Variants in VAV1 observed in about 807,000 individuals in gnomAD.
The protein encoded by VAV1 is proto-oncogene vav.
VAV1 carries 33 observed loss-of-function variants against 128.1 expected under a neutral mutation model. That is an observed-to-expected ratio of 0.26 (90% CI 0.20 to 0.34). VAV1 has a LOEUF of 0.34. Among genes scored for constraint, VAV1 ranks in the 10% least tolerant of loss-of-function variants. The pLI, the probability that VAV1 is intolerant of heterozygous loss-of-function variation, is 1.00. For missense variants in VAV1, 715 were observed against 1,093.7 expected, an observed-to-expected ratio of 0.65 and a Z score of 4.88; for synonymous variants, 394 against 409.8, an observed-to-expected ratio of 0.96 and a Z score of 0.47.
intron 25 of VAV1, 51 bp from the exon 26 acceptor site, chr19:6,853,896 G>A (rs376975124): frequency 1.3e-5 from 20 of 1,587,722 alleles, no homozygotes; most frequent in Middle Eastern, 1.7e-4. Context: ...CCCAGAGAGT[G>A]AGTGGGTATC....
At position 6,828,240 on chromosome 19, in the gene VAV1, G is replaced by T. The variant is rs1971965253; in HGVS notation, c.1023+69G>T. ...CCTGTGTCTATAAAAGTGGGGACGG[G>T]GCTGGCTTCTGGGGGTTGGGTCTCT... On this transcript the variant is annotated intron_variant, in intron 10 of 26. Coordinates refer to ENST00000602142, the MANE Select transcript of VAV1 (RefSeq NM_005428.4). This position sits in a 1 kb window ranked among gnomAD's most constrained non-coding sequence, Gnocchi z 4.5. 3 of 1,586,212 alleles carry T rather than the reference G, an allele frequency of 1.9e-6. No individual in the cohort carries two copies. The highest frequency in any genetic ancestry group is 2.6e-6 in the Non-Finnish European group (3 of 1,160,356).
rs1186468078 is a variant in VAV1 at position 6,828,557 on chromosome 19, C to T, written c.1093-65C>T. On this transcript the variant is annotated intron_variant, in intron 11 of 26. Coordinates refer to ENST00000602142, the MANE Select transcript of VAV1 (RefSeq NM_005428.4). The surrounding 1 kb of genome is among the most constrained non-coding windows in gnomAD (Gnocchi z 4.5). ...CTCCTGGTAGGGGCTGATCCTCTAGCCGGGATTAGGTAGGAGCCTGGGTCG... is the reference window on the plus strand; with the variant it reads ...CTCCTGGTAGGGGCTGATCCTCTAGTCGGGATTAGGTAGGAGCCTGGGTCG... 1.8e-5 allele frequency: 29 copies of T among 1,613,596 alleles called. No homozygotes were observed. The Middle Eastern group carries it at 5.0e-4, about 28-fold the overall frequency.
chr19:6,836,183 G>A, intron 19 of VAV1: 1 of 416,486 alleles, frequency 2.4e-6, no homozygotes, highest in Non-Finnish European at 4.3e-6. Flanking sequence ...CAGGACACAT[G>A]TTTTCATTTC....
At chr19:6,807,999 A>AAG (rs1568296088) in intron 1 of VAV1, among the ~76,000 whole-genome samples, 2 of 150,214 alleles carry the variant, frequency 1.3e-5, no homozygotes, top group African/African-American at 4.9e-5. Flanking sequence ...CAAAAAAAAA[A>AAG]AAAAAAAAAG....
In VAV1 at chr19:6,822,340, T is replaced by C. The variant is rs1971813025; in HGVS notation, c.558+11T>C. On this transcript the variant is annotated intron_variant, in intron 5 of 26. Coordinates refer to ENST00000602142, the MANE Select transcript of VAV1 (RefSeq NM_005428.4). This position sits in a 1 kb window ranked among gnomAD's most constrained non-coding sequence, Gnocchi z 5.9. ...CCCGTGTCCATGCCGGTGCGTGACG[T>C]GGAGGGTCGGGCCTGGGGAGGGCGT... 1 of 1,348,054 alleles carries C rather than the reference T, an allele frequency of 7.4e-7. No homozygotes were observed. Among genetic ancestry groups the C allele is most frequent in the Admixed American group, 2.1e-5 (1 of 46,710 alleles). 83.5% of individuals were successfully genotyped at this position (1,348,054 alleles called of 1,614,324 possible).
In VAV1 at chr19:6,833,193, C is replaced by T. The variant is rs1438566105; in HGVS notation, c.1518C>T (p.Ile506=). 34 of 1,604,008 alleles carry T rather than the reference C, an allele frequency of 2.1e-5. No individual in the cohort carries two copies. Among genetic ancestry groups the T allele is most frequent in the Non-Finnish European group, 2.7e-5 (32 of 1,176,220 alleles). The change falls in exon 16 of 27, where the codon ATC becomes ATT. Residue 506 remains isoleucine (I), a synonymous_variant. Coordinates refer to ENST00000602142, the MANE Select transcript of VAV1 (RefSeq NM_005428.4). ...AATTTTCCCCTGCCAGCTCCAACAT[C>T]TATCCGGAGAATGCCACCGCCAACG... ...MEQFEMAISN[I]YPENATANGH...
At chr19:6,815,363 A>G (rs1971623196) in intron 1 of VAV1, among the ~76,000 whole-genome samples, 1 of 152,054 alleles carries the variant, frequency 6.6e-6, no homozygotes, top group Admixed American at 6.6e-5. Flanking sequence ...GCTGGTCCCA[A>G]ACCCCTGACC....
chr19:6,784,242 G>C, intron 1 of VAV1: 1 of 651,684 alleles, frequency 1.5e-6, no homozygotes, highest in Non-Finnish European at 2.8e-6. Flanking sequence ...GGACAAAAGA[G>C]TAAGACCCTG....
At chr19:6,844,824 T>C (rs1274689955) in intron 22 of VAV1, among the ~76,000 whole-genome samples, 1 of 151,572 alleles carries the variant, frequency 6.6e-6, no homozygotes, top group Admixed American at 6.6e-5. Flanking sequence ...TCTCAGTCAT[T>C]AAGGTCCATC....
intron 1 of VAV1, among the ~76,000 whole-genome samples, chr19:6,809,433 C>T (rs959568850): frequency 6.6e-6 from 1 of 152,134 alleles, no homozygotes; most frequent in Non-Finnish European, 1.5e-5. Flanking sequence ...CCACAAAGGG[C>T]ATTCAGGGCA....
At chr19:6,841,091 C>A (rs910747738) in intron 21 of VAV1, among the ~76,000 whole-genome samples, 2 of 151,006 alleles carry the variant, frequency 1.3e-5, no homozygotes, top group Admixed American at 6.6e-5. Context: ...TTTTTGTATT[C>A]TTTTGTAGGG....
At position 6,825,291 on chromosome 19, in the gene VAV1, C is replaced by T. The variant is rs1305086672; in HGVS notation, c.724-12C>T. The T allele has an allele frequency of 6.2e-7, 1 of 1,608,408 alleles. No homozygotes were observed. Among genetic ancestry groups the T allele is most frequent in the African/African-American group, 1.3e-5 (1 of 74,922 alleles). On this transcript the variant is annotated splice_polypyrimidine_tract_variant and intron_variant, in intron 7 of 26. Coordinates refer to ENST00000602142, the MANE Select transcript of VAV1 (RefSeq NM_005428.4). ...GGCTCTGGTCCCAGCCCTCACCCTTCCCTCCGAGTAGGACCTGCTTCGTGT... is the reference window on the plus strand; with the variant it reads ...GGCTCTGGTCCCAGCCCTCACCCTTTCCTCCGAGTAGGACCTGCTTCGTGT...
chr19:6,844,081 T>C (rs1972455290), intron 22 of VAV1, among the ~76,000 whole-genome samples: 2 of 109,208 alleles, frequency 1.8e-5, no homozygotes, highest in African/African-American at 4.3e-5. Flanking sequence ...TTTTTTTTTT[T>C]TTTTTTTTTT....
At chr19:6,848,915 TC>T (rs1052902330) in intron 23 of VAV1, among the ~76,000 whole-genome samples, 8 of 151,848 alleles carry the variant, frequency 5.3e-5, no homozygotes, top group African/African-American at 1.9e-4. Context: ...TAGCTCAGCC[TC>T]CCCAGTGGCT....
chr19:6,806,392 T>G (rs1468646100), intron 1 of VAV1, among the ~76,000 whole-genome samples: 1 of 152,176 alleles, frequency 6.6e-6, no homozygotes, highest in East Asian at 1.9e-4. Flanking sequence ...GCCAACAATT[T>G]TTTTTAATGA....
intron 21 of VAV1, among the ~76,000 whole-genome samples, chr19:6,840,303 CTTTTTT>C (rs34882027): frequency 8.1e-6 from 1 of 124,138 alleles, no homozygotes; most frequent in Non-Finnish European, 1.8e-5. Context: ...AATTTTCTTT[CTTTTTT>C]TTTTTTTTTT....
chr19:6,826,025 A>T lies in VAV1; in HGVS notation c.828-587A>T, dbSNP rs1325379382. Among the ~76,000 whole-genome samples, 41 of 150,750 alleles carry T rather than the reference A, an allele frequency of 2.7e-4. No homozygotes were observed. Among genetic ancestry groups the T allele is most frequent in the Non-Finnish European group, 5.9e-5 (4 of 67,790 alleles). ...GCCACTGGACTCCAGCCTAGGCAAC[A>T]GAGCAAGACTCTGTCTCAGAAATAA... On this transcript the variant is annotated intron_variant, in intron 8 of 26. Transcript: ENST00000602142. The surrounding 1 kb of genome is among the most constrained non-coding windows in gnomAD (Gnocchi z 4.1).
intron 22 of VAV1, among the ~76,000 whole-genome samples, chr19:6,845,419 TA>T (rs1327342147): frequency 1.3e-5 from 2 of 151,954 alleles, no homozygotes; most frequent in Admixed American, 6.6e-5. Flanking sequence ...AATAAATAAA[TA>T]AAAATGAGGT....
At position 6,785,641 on chromosome 19, in the gene VAV1, G is replaced by GTTTC. The variant is rs202101579; in HGVS notation, c.204+12650_204+12653dup. Among the ~76,000 whole-genome samples the GTTTC allele has an allele frequency of 8.3e-3, 1,181 of 142,916 alleles. 17 individuals carry two copies. Among genetic ancestry groups the GTTTC allele is most frequent in the East Asian group, 0.026 (127 of 4,816 alleles). The allele number at this position is 142,916 out of a possible 152,430, so 93.8% of individuals were successfully genotyped here. A position where few individuals can be genotyped will look rare whatever the true frequency, so the allele number is the denominator to read the frequency against. The stretch of plus-strand genomic sequence containing the variant: ...GCCACTGCACATGGTCAGTGGCCAG[G>GTTTC]TTTCTTTCTTTCTTTCTTTCTTTTT... On this transcript the variant is annotated intron_variant, in intron 1 of 26. Coordinates refer to ENST00000602142, the MANE Select transcript of VAV1 (RefSeq NM_005428.4).
Sources: gnomAD v4.1 joint callset for allele counts (sites outside exome capture counted in the v4.1 genomes callset) on GRCh38, gnomAD v4.1.1 for gene constraint, Gnocchi (gnomAD v3.1) non-coding constraint, MANE v1.5 for transcripts, NCBI Gene and HGNC (gene_info 2026-07-23, HGNC 2026-07-21) for gene names.